LRRIQ3: variants seen among roughly 807,000 people sequenced by gnomAD.
LRRIQ3 encodes leucine rich repeats and IQ motif containing 3, also known as leucine-rich repeat and IQ domain-containing protein 3.
Under a neutral mutation model 59.3 loss-of-function variants are expected in LRRIQ3, and 75 were observed. The ratio of observed to expected loss-of-function variants is 1.26; its 90% CI spans 1.05 to 1.53. The LOEUF (loss-of-function observed/expected upper bound fraction) is 1.53, where lower values mean the gene tolerates loss of function less well. Among genes scored for constraint, LRRIQ3 ranks in the 40% most tolerant of loss-of-function variants. The pLI, the probability that LRRIQ3 is intolerant of heterozygous loss-of-function variation, is 0.00. For missense variants in LRRIQ3, 831 were observed against 710.0 expected, an observed-to-expected ratio of 1.17 and a Z score of -1.94; for synonymous variants, 250 against 231.3, an observed-to-expected ratio of 1.08 and a Z score of -0.73.
At chr1:74,073,724 G>A (rs1157075119) in intron 6 of LRRIQ3, among the ~76,000 whole-genome samples, 4 of 152,010 alleles carry the variant, frequency 2.6e-5, no homozygotes, top group African/African-American at 9.7e-5. Flanking sequence ...CATATGCAAA[G>A]AAGAGAAAAT....
At chr1:74,172,297 AG>A (rs1230129228) in intron 3 of LRRIQ3, among the ~76,000 whole-genome samples, 1 of 152,128 alleles carries the variant, frequency 6.6e-6, no homozygotes, top group Non-Finnish European at 1.5e-5. Flanking sequence ...CACAAATTTT[AG>A]TAAGTTCATT....
intron 5 of LRRIQ3, among the ~76,000 whole-genome samples, chr1:74,102,383 A>G (rs1417577157): frequency 6.6e-6 from 1 of 151,970 alleles, no homozygotes; most frequent in Non-Finnish European, 1.5e-5. Context: ...GCCCAATGAA[A>G]CTAATCATCA....
chr1:74,051,577 C>A (rs1028856923), intron 6 of LRRIQ3, among the ~76,000 whole-genome samples: 2 of 152,034 alleles, frequency 1.3e-5, no homozygotes, highest in African/African-American at 2.4e-5. Flanking sequence ...TAAGTTATCA[C>A]CACAGTCTAG....
chr1:74,197,689 G>A (rs1440907970), intron 1 of LRRIQ3, among the ~76,000 whole-genome samples: 1 of 152,100 alleles, frequency 6.6e-6, no homozygotes, highest in East Asian at 1.9e-4. Flanking sequence ...AAAAACAGAG[G>A]GGTGGGGTGG....
chr1:74,188,849 G>A (rs896569293), intron 1 of LRRIQ3, among the ~76,000 whole-genome samples: 23 of 152,140 alleles, frequency 1.5e-4, no homozygotes, highest in Non-Finnish European at 2.6e-4. Flanking sequence ...CTCCCATTTC[G>A]GTAGAAATCT....
At chr1:74,058,675 C>T (rs905425756) in intron 6 of LRRIQ3, among the ~76,000 whole-genome samples, 1 of 151,920 alleles carries the variant, frequency 6.6e-6, no homozygotes, top group African/African-American at 2.4e-5. Context: ...CTATCATCAA[C>T]AACAATTTGT....
intron 6 of LRRIQ3, among the ~76,000 whole-genome samples, chr1:74,046,474 A>C (rs894376229): frequency 6.6e-6 from 1 of 152,198 alleles, no homozygotes; most frequent in African/African-American, 2.4e-5. Flanking sequence ...TTAAAGACTT[A>C]AACCTAAAGC....
intron 4 of LRRIQ3, among the ~76,000 whole-genome samples, chr1:74,135,321 C>A (rs1257522452): frequency 6.6e-6 from 1 of 151,792 alleles, no homozygotes; most frequent in Non-Finnish European, 1.5e-5. Flanking sequence ...ACTTTAATGC[C>A]ACACTCTAAA....
intron 1 of LRRIQ3, among the ~76,000 whole-genome samples, chr1:74,195,304 G>T (rs918451152): frequency 2.4e-4 from 37 of 152,108 alleles, no homozygotes; most frequent in African/African-American, 8.2e-4. Flanking sequence ...CCCTAGCTTG[G>T]CCTGACCACA....
intron 5 of LRRIQ3, among the ~76,000 whole-genome samples, chr1:74,096,959 C>T (rs778754110): frequency 1.3e-5 from 2 of 152,124 alleles, no homozygotes; most frequent in Non-Finnish European, 2.9e-5. Flanking sequence ...TCTCCCCCTA[C>T]TGGGGGATGC....
At chr1:74,042,890 C>T (rs116424085) in intron 6 of LRRIQ3, among the ~76,000 whole-genome samples, 1,687 of 152,040 alleles carry the variant, frequency 0.011, 35 homozygotes, top group African/African-American at 0.039. Context: ...CTTTCCACTA[C>T]GTAGAGATGA....
In LRRIQ3 at chr1:74,093,029, C is replaced by T. The variant is rs556563431; in HGVS notation, c.867+16365G>A. 3.3e-5 allele frequency among the ~76,000 whole-genome samples: 5 copies of T among 151,984 alleles called. No individual in the cohort carries two copies. In the South Asian group the frequency reaches 1.0e-3, roughly 32 times the overall value. On this transcript the variant is annotated intron_variant, in intron 5 of 7. Transcript: ENST00000354431. Reference sequence around the variant, plus strand: ...AGATCAGAAGCTTCAGGATTATAAACAATGTCTAAACAAGATCTTTCTACT... The same window carrying T: ...AGATCAGAAGCTTCAGGATTATAAATAATGTCTAAACAAGATCTTTCTACT...
At chr1:74,101,081 C>T (rs971469443) in intron 5 of LRRIQ3, among the ~76,000 whole-genome samples, 1 of 151,946 alleles carries the variant, frequency 6.6e-6, no homozygotes, top group African/African-American at 2.4e-5. Context: ...AACTAAAGAG[C>T]TCTGCACAGC....
At chr1:74,107,488 T>C (rs1646630890) in intron 5 of LRRIQ3, among the ~76,000 whole-genome samples, 1 of 151,558 alleles carries the variant, frequency 6.6e-6, no homozygotes, top group African/African-American at 2.4e-5. Context: ...ACTTAGTTGA[T>C]ATTATTATTT....
chr1:74,176,142 G>A (rs993210154), intron 3 of LRRIQ3, among the ~76,000 whole-genome samples: 10 of 152,042 alleles, frequency 6.6e-5, no homozygotes, highest in Admixed American at 5.2e-4. Flanking sequence ...TTATTTTAGG[G>A]GAGGTATGCT....
intron 5 of LRRIQ3, among the ~76,000 whole-genome samples, chr1:74,098,401 A>G (rs1046185101): frequency 1.3e-5 from 2 of 152,182 alleles, no homozygotes; most frequent in African/African-American, 4.8e-5. Context: ...CAGATTCATA[A>G]AGCAAGTCTT....
chr1:74,084,197 A>C, intron 5 of LRRIQ3: 5 of 1,547,276 alleles, frequency 3.2e-6, no homozygotes, highest in Non-Finnish European at 4.4e-6. Context: ...GTGAAAATTG[A>C]CCCATAATTT....
chr1:74,122,036 A>G lies in LRRIQ3; in HGVS notation c.708-12483T>C, dbSNP rs191464519. 2.2e-4 allele frequency among the ~76,000 whole-genome samples: 33 copies of G among 152,180 alleles called. 1 individual carries two copies. The East Asian group carries it at 2.3e-3, about 11-fold the overall frequency. ...CTTTGCTATTGTGAATAGTGCCGCA[A>G]TAAACATACATGTGCATGTGTCTTT... is the stretch of plus-strand genomic sequence containing the variant. On this transcript the variant is annotated intron_variant, in intron 4 of 7. Coordinates refer to ENST00000354431, the MANE Select transcript of LRRIQ3 (RefSeq NM_001105659.2).
At chr1:74,170,708 TA>T (rs1315842847) in intron 3 of LRRIQ3, among the ~76,000 whole-genome samples, 6 of 152,120 alleles carry the variant, frequency 3.9e-5, no homozygotes, top group Admixed American at 3.9e-4. Context: ...TCCATTTCTG[TA>T]AAAAAGTACT....
Sources: allele counts gnomAD v4.1 joint callset (sites outside exome capture counted in the v4.1 genomes callset), GRCh38; gene constraint gnomAD v4.1.1; transcripts MANE v1.5; gene names NCBI Gene and HGNC (gene_info 2026-07-23, HGNC 2026-07-21).